Variants in SSC4D observed in about 807,000 individuals in gnomAD.
SSC4D encodes scavenger receptor cysteine rich family member with 4 domains.
A neutral mutation model predicts 63.4 loss-of-function variants in SSC4D; 57 were observed. The ratio of observed to expected loss-of-function variants is 0.90; its 90% CI spans 0.73 to 1.12. SSC4D has a LOEUF of 1.12. Ranked by LOEUF, SSC4D falls within the 50% of genes most tolerant of loss-of-function variation. The pLI is 0.00. For missense variants in SSC4D, 791 were observed against 806.4 expected (o/e 0.98, Z 0.23); for synonymous variants, 352 against 345.4 (o/e 1.02, Z -0.21).
At chr7:76,408,676 T>A (rs1387718985) in intron 1 of SSC4D, among the ~76,000 whole-genome samples, 1 of 152,124 alleles carries the variant, frequency 6.6e-6, no homozygotes, top group East Asian at 1.9e-4. Flanking sequence ...CCCAGAGCCC[T>A]CTGCCAAGCC....
In SSC4D at chr7:76,400,584, CCTCAGCTCTGTGAAGAGGGT is replaced by C; in HGVS notation, c.170-13_176del. On this transcript the variant is annotated splice_acceptor_variant and splice_polypyrimidine_tract_variant and coding_sequence_variant and intron_variant, in exon 4 of 11. Transcript: ENST00000275560. LOFTEE classifies it high-confidence loss of function. ...GGCAGCGGCTGGGGCCCCCCACCAG[CCTCAGCTCTGTGAAGAGGGT>C]GGAGCTGGCACCAGGGGGTCACTGA... The C allele has an allele frequency of 6.8e-7, 1 of 1,472,152 alleles. No homozygotes were observed. 91.2% of individuals were successfully genotyped at this position (1,472,152 alleles called of 1,614,324 possible).
chr7:76,406,797 A>C (rs1236869883), intron 1 of SSC4D, among the ~76,000 whole-genome samples: 1 of 151,442 alleles, frequency 6.6e-6, no homozygotes, highest in Non-Finnish European at 1.5e-5. Flanking sequence ...AAAAAAAAAA[A>C]TCTTCAAGGC....
At chr7:76,400,712 T>C in intron 3 of SSC4D, 121 bp from the exon 4 acceptor site, 1 of 1,184,954 alleles carries the variant, frequency 8.4e-7, no homozygotes. Flanking sequence ...CTCACTATGT[T>C]GCCAAGGCTG....
chr7:76,405,172 C>T (rs1368865699), intron 1 of SSC4D, among the ~76,000 whole-genome samples: 8 of 139,076 alleles, frequency 5.8e-5, no homozygotes, highest in African/African-American at 2.1e-4. Flanking sequence ...GGCACAATCT[C>T]GGCTCACTGC....
At chr7:76,390,758 A>G (rs1225310353) in intron 10 of SSC4D, among the ~76,000 whole-genome samples, 1 of 152,104 alleles carries the variant, frequency 6.6e-6, no homozygotes, top group Non-Finnish European at 1.5e-5. Flanking sequence ...TGGAGCTTGC[A>G]GTGAGCCGAG....
At chr7:76,391,739 G>A (rs1804498099) in intron 10 of SSC4D, among the ~76,000 whole-genome samples, 1 of 152,074 alleles carries the variant, frequency 6.6e-6, no homozygotes, top group African/African-American at 2.4e-5. Flanking sequence ...CCCTCATTCT[G>A]ATCTCACCTC....
At chr7:76,399,709 G>A (rs761220485) in intron 4 of SSC4D, among the ~76,000 whole-genome samples, 18 of 151,986 alleles carry the variant, frequency 1.2e-4, no homozygotes, top group South Asian at 4.2e-4. Flanking sequence ...CTGATTTTTC[G>A]TAGAGATAAG....
chr7:76,400,969 G>T (rs902538807), intron 3 of SSC4D, 39 bp downstream of exon 3: 11 of 1,551,036 alleles, frequency 7.1e-6, no homozygotes, highest in Middle Eastern at 1.7e-4. Flanking sequence ...GTACCTGGCG[G>T]ACAGGTGAGG....
intron 10 of SSC4D, 54 bp from the exon 11 acceptor site, chr7:76,390,429 C>G (rs55920832): frequency 0.2 from 294,718 of 1,493,942 alleles, 30,487 homozygotes; most frequent in Middle Eastern, 0.23. Context: ...AGGCCACTCC[C>G]AAGCTAGGTC....
Position 76,397,841 on chromosome 7 carries a change from G to C in SSC4D, c.554-9C>G, listed in dbSNP as rs1273453329. 6.5e-7 allele frequency: 1 copy of C among 1,542,106 alleles called. No individual in the cohort carries two copies. The highest frequency in any genetic ancestry group is 8.8e-7 in the Non-Finnish European group (1 of 1,140,510). Reference sequence around the variant, plus strand: ...GCGTACGCTGCCCTCACCTGGGGATGGGGGCGGGGGTCAGGGCGCATCTCC... The same window carrying C: ...GCGTACGCTGCCCTCACCTGGGGATCGGGGCGGGGGTCAGGGCGCATCTCC... On this transcript the variant is annotated splice_polypyrimidine_tract_variant and intron_variant, in intron 5 of 10. Coordinates refer to ENST00000275560, the MANE Select transcript of SSC4D (RefSeq NM_080744.2).
chr7:76,393,758 G>A lies in SSC4D; in HGVS notation c.1022-42C>T, dbSNP rs774630431. 1.4e-5 allele frequency: 19 copies of A among 1,340,254 alleles called. 1 individual carries two copies. The South Asian group carries it at 2.7e-4, about 19-fold the overall frequency. The allele number at this position is 1,340,254 out of a possible 1,614,324, so 83.0% of individuals were successfully genotyped here. On this transcript the variant is annotated intron_variant, in intron 8 of 10. Coordinates refer to ENST00000275560, the MANE Select transcript of SSC4D (RefSeq NM_080744.2). ...CCCGCGGCCAGAGGGGCTGGGCTGG[G>A]GCTGCCGGCTCCCGGCAGAGCCCCA...
At chr7:76,408,204 C>CT (rs1805104714) in intron 1 of SSC4D, among the ~76,000 whole-genome samples, 1 of 152,066 alleles carries the variant, frequency 6.6e-6, no homozygotes. Context: ...CTCTCTCTGG[C>CT]TTTACCTGTG....
rs562448682 is a variant in SSC4D at position 76,397,459 on chromosome 7, A to G, written c.868+59T>C. ...CCCCACCGAAGCCTCCTCCTCCAGC[A>G]TTGCCACAGGGCCCCGCCCACCTGC... On this transcript the variant is annotated intron_variant, in intron 6 of 10. Coordinates refer to ENST00000275560, the MANE Select transcript of SSC4D (RefSeq NM_080744.2). The G allele has an allele frequency of 2.0e-5, 29 of 1,435,520 alleles. No homozygotes were observed. In the African/African-American group the frequency reaches 4.1e-4, roughly 20 times the overall value. 88.9% of individuals were successfully genotyped at this position (1,435,520 alleles called of 1,614,324 possible). A position where few individuals can be genotyped will look rare whatever the true frequency, so the allele number is the denominator to read the frequency against.
At chr7:76,401,738 G>C (rs1185631664) in intron 2 of SSC4D, among the ~76,000 whole-genome samples, 3 of 152,116 alleles carry the variant, frequency 2.0e-5, no homozygotes, top group South Asian at 2.1e-4. Context: ...TCAATTCCCA[G>C]CTTGGAGCCC....
chr7:76,401,878 C>G (rs1310429585), intron 2 of SSC4D, among the ~76,000 whole-genome samples: 1 of 152,202 alleles, frequency 6.6e-6, no homozygotes, highest in African/African-American at 2.4e-5. Flanking sequence ...TGTCTCAACT[C>G]TGTGTCCCCA....
In SSC4D at chr7:76,395,573, T is replaced by G. The variant is rs111919479; in HGVS notation, c.869-243A>C. ...TACAGGGCTGTCAACAGACACGCTT[T>G]CATTTCTCTCTAATGTCCCATGTTC... On this transcript the variant is annotated intron_variant, in intron 6 of 10. Transcript: ENST00000275560. 1.1e-3 allele frequency among the ~76,000 whole-genome samples: 161 copies of G among 152,352 alleles called. 1 individual carries two copies. The highest frequency in any genetic ancestry group is 3.5e-3 in the African/African-American group (147 of 41,584).
chr7:76,408,543 A>ACCCTG (rs2115824920), intron 1 of SSC4D, among the ~76,000 whole-genome samples: 1 of 152,224 alleles, frequency 6.6e-6, no homozygotes, highest in South Asian at 2.1e-4. Flanking sequence ...GGGGACAGGC[A>ACCCTG]ACTTCCAGAG....
intron 10 of SSC4D, among the ~76,000 whole-genome samples, chr7:76,390,594 G>A (rs767147951): frequency 2.4e-4 from 37 of 152,244 alleles, no homozygotes; most frequent in Non-Finnish European, 3.5e-4. Context: ...GAGGCAGGCG[G>A]ATCACGAGAT....
In SSC4D at chr7:76,397,498, A is replaced by G; in HGVS notation, c.868+20T>C. The G allele has an allele frequency of 1.4e-6, 2 of 1,437,762 alleles. No individual in the cohort carries two copies. The highest frequency in any genetic ancestry group is 1.8e-6 in the Non-Finnish European group (2 of 1,092,512). The allele number at this position is 1,437,762 out of a possible 1,614,324, so 89.1% of individuals were successfully genotyped here. A position where few individuals can be genotyped will look rare whatever the true frequency, so the allele number is the denominator to read the frequency against. Reference sequence around the variant, plus strand: ...CCGCCCACCTGCCCCGGCCCCGCCCATCGCCCCTAGAGCCCGCACCTGCGC... The same window carrying G: ...CCGCCCACCTGCCCCGGCCCCGCCCGTCGCCCCTAGAGCCCGCACCTGCGC... On this transcript the variant is annotated intron_variant, in intron 6 of 10. Transcript: ENST00000275560.
Sources: gnomAD v4.1 joint callset for allele counts (sites outside exome capture counted in the v4.1 genomes callset) on GRCh38, gnomAD v4.1.1 for gene constraint, MANE v1.5 for transcripts, NCBI Gene and HGNC (gene_info 2026-07-23, HGNC 2026-07-21) for gene names.